The following EBF2 variants were observed in gnomAD, a reference collection of about 807,000 sequenced individuals.
EBF2 encodes the protein transcription factor COE2.
In EBF2, 21 loss-of-function variants were observed where a neutral mutation model predicts 72.8. That is an observed-to-expected ratio of 0.29 (90% CI 0.20 to 0.42). The LOEUF is 0.42. EBF2 is among the 10% of genes least tolerant of loss of function. The pLI is 1.00. For synonymous variants in EBF2, 299 were observed against 274.2 expected, an observed-to-expected ratio of 1.09 and a Z score of -0.89; for missense variants, 637 against 731.2, an observed-to-expected ratio of 0.87 and a Z score of 1.49.
At chr8:26,011,224 T>A (rs1449417456) in intron 6 of EBF2, among the ~76,000 whole-genome samples, 1 of 152,216 alleles carries the variant, frequency 6.6e-6, no homozygotes, top group Admixed American at 6.5e-5. Flanking sequence ...TTATATTGAT[T>A]ACGTTGCTAA....
At chr8:25,871,235 T>C (rs997185520) in intron 10 of EBF2, among the ~76,000 whole-genome samples, 6 of 152,088 alleles carry the variant, frequency 3.9e-5, no homozygotes, top group African/African-American at 1.4e-4. Context: ...AAAGCTCAAT[T>C]AGCTAATGAG....
At chr8:26,039,977 C>A in intron 5 of EBF2, 51 bp downstream of exon 5, 1 of 1,594,292 alleles carries the variant, frequency 6.3e-7, no homozygotes, top group Non-Finnish European at 8.6e-7. Flanking sequence ...CAAGGCGGGG[C>A]TGGAGCACCT....
intron 1 of EBF2, among the ~76,000 whole-genome samples, chr8:26,042,493 C>T (rs1402745435): frequency 1.3e-5 from 2 of 151,964 alleles, no homozygotes; most frequent in African/African-American, 4.8e-5. Flanking sequence ...CCAAGTGGTC[C>T]GGCATCCCAC....
chr8:25,986,546 C>A (rs980390821), intron 6 of EBF2, among the ~76,000 whole-genome samples: 2 of 152,304 alleles, frequency 1.3e-5, no homozygotes, highest in African/African-American at 4.8e-5. Context: ...GTGTGAAAAT[C>A]TTGGTTAAAC....
intron 6 of EBF2, among the ~76,000 whole-genome samples, chr8:25,946,288 A>C (rs1256247932): frequency 9.2e-5 from 14 of 152,224 alleles, no homozygotes; most frequent in Non-Finnish European, 1.5e-5. Flanking sequence ...TGTGCATGGG[A>C]AAGAGACCAG....
rs576770821 is a variant in EBF2 at position 25,847,679 on chromosome 8, G to A, written c.1696+2915C>T. 3.9e-5 allele frequency among the ~76,000 whole-genome samples: 6 copies of A among 152,310 alleles called. No homozygotes were observed. The East Asian group carries it at 1.2e-3, about 29-fold the overall frequency. ...AGGCTCTGAGATAATGGCATGCACAGATTGACAAGGCCCGGAAAGAGCTGA... is the reference window on the plus strand; with the variant it reads ...AGGCTCTGAGATAATGGCATGCACAAATTGACAAGGCCCGGAAAGAGCTGA... On this transcript the variant is annotated intron_variant, in intron 15 of 15. Coordinates refer to ENST00000520164, the MANE Select transcript of EBF2 (RefSeq NM_022659.4).
chr8:26,018,496 CA>C (rs10555042), intron 6 of EBF2, among the ~76,000 whole-genome samples: 39,055 of 80,572 alleles, frequency 0.48, 7,355 homozygotes, highest in East Asian at 0.76. Flanking sequence ...ACTAAAAATA[CA>C]AAAAAAAAAA....
intron 6 of EBF2, among the ~76,000 whole-genome samples, chr8:25,920,489 G>C (rs1309979821): frequency 6.6e-6 from 1 of 152,186 alleles, no homozygotes; most frequent in South Asian, 2.1e-4. Context: ...AGTTGGGTTT[G>C]GGGTTGTGTT....
intron 7 of EBF2, among the ~76,000 whole-genome samples, chr8:25,892,247 T>G (rs1392572891): frequency 1.3e-5 from 2 of 152,220 alleles, no homozygotes; most frequent in African/African-American, 4.8e-5. Flanking sequence ...TATATAAATG[T>G]GGCTTCTCTT....
At chr8:26,034,722 A>G (rs891004466) in intron 5 of EBF2, among the ~76,000 whole-genome samples, 1 of 152,206 alleles carries the variant, frequency 6.6e-6, no homozygotes, top group African/African-American at 2.4e-5. Flanking sequence ...TAGCCTTGAC[A>G]TGGCTTTTTA....
chr8:26,023,658 A>G (rs889834080), intron 6 of EBF2, among the ~76,000 whole-genome samples: 7 of 152,190 alleles, frequency 4.6e-5, no homozygotes, highest in African/African-American at 1.7e-4. Flanking sequence ...TAAAAAATTC[A>G]CAGATTGCCA....
Position 25,856,830 on chromosome 8 carries a change from T to C in EBF2, c.1528+1489A>G, listed in dbSNP as rs192023142. On this transcript the variant is annotated intron_variant, in intron 14 of 15. Coordinates refer to ENST00000520164, the MANE Select transcript of EBF2 (RefSeq NM_022659.4). ...GGACATAAAATCTTATAACAAATAGTGTTTCTCTCTTTGCTTTAGCCTCTT... is the reference window on the plus strand; with the variant it reads ...GGACATAAAATCTTATAACAAATAGCGTTTCTCTCTTTGCTTTAGCCTCTT... Among the ~76,000 whole-genome samples the C allele has an allele frequency of 8.1e-4, 124 of 152,326 alleles. 2 individuals are homozygous for C. Among genetic ancestry groups the C allele is most frequent in the African/African-American group, 2.9e-3 (121 of 41,572 alleles).
At chr8:25,983,990 CAACATTGGCCACCCTGCCATGTGCG>C (rs1395741612) in intron 6 of EBF2, among the ~76,000 whole-genome samples, 1 of 152,220 alleles carries the variant, frequency 6.6e-6, no homozygotes, top group Non-Finnish European at 1.5e-5. Context: ...AGCATTCCCT[CAACATTGGCCACCCTGCCATGTGCG>C]GGGCTTTCTC....
chr8:25,995,737 G>A (rs1181606889), intron 6 of EBF2, among the ~76,000 whole-genome samples: 1 of 151,902 alleles, frequency 6.6e-6, no homozygotes, highest in East Asian at 1.9e-4. Flanking sequence ...AAATTAAGCA[G>A]AGGTCACAAA....
At chr8:25,960,703 G>A (rs533178256) in intron 6 of EBF2, among the ~76,000 whole-genome samples, 74 of 152,236 alleles carry the variant, frequency 4.9e-4, no homozygotes, top group African/African-American at 1.8e-3. Flanking sequence ...GGTCTTTGAT[G>A]CTGTTTCGTC....
At chr8:26,034,266 A>C (rs1198706153) in intron 5 of EBF2, among the ~76,000 whole-genome samples, 2 of 152,216 alleles carry the variant, frequency 1.3e-5, no homozygotes, top group Non-Finnish European at 2.9e-5. Flanking sequence ...AAAATGAAGC[A>C]AGGAGCTGTT....
intron 6 of EBF2, among the ~76,000 whole-genome samples, chr8:25,926,869 C>T (rs554580228): frequency 1.7e-4 from 26 of 152,268 alleles, no homozygotes; most frequent in African/African-American, 6.0e-4. Flanking sequence ...TCCAACAGAT[C>T]AGATTATCCC....
At chr8:26,025,284 GTGAATACGTATTTTT>G (rs1168934618) in intron 6 of EBF2, among the ~76,000 whole-genome samples, 1 of 152,072 alleles carries the variant, frequency 6.6e-6, no homozygotes, top group Non-Finnish European at 1.5e-5. Flanking sequence ...TTTGTATTTT[GTGAATACGTATTTTT>G]TGTGTGCTTA....
At chr8:25,916,900 C>T (rs893151538) in intron 6 of EBF2, among the ~76,000 whole-genome samples, 1 of 152,178 alleles carries the variant, frequency 6.6e-6, no homozygotes, top group Non-Finnish European at 1.5e-5. Context: ...ACTCAACACA[C>T]TGCCTTCTGA....
Sources: allele counts gnomAD v4.1 joint callset (sites outside exome capture counted in the v4.1 genomes callset), GRCh38; gene constraint gnomAD v4.1.1; transcripts MANE v1.5; gene names NCBI Gene and HGNC (gene_info 2026-07-23, HGNC 2026-07-21).